The following CNNM1 variants were observed in gnomAD, a reference collection of about 807,000 sequenced individuals.
CNNM1 encodes metal transporter CNNM1.
Under a neutral mutation model 78.8 loss-of-function variants are expected in CNNM1, and 44 were observed. The ratio of observed to expected loss-of-function variants is 0.56; its 90% CI spans 0.44 to 0.72. CNNM1 has a LOEUF of 0.72. Among genes scored for constraint, CNNM1 ranks in the 30% least tolerant of loss-of-function variants. The probability of loss-of-function intolerance (pLI) is 0.00; values close to 1 mark genes in which losing one functional copy is unlikely to be tolerated. For synonymous variants in CNNM1, 584 were observed against 581.5 expected (o/e 1.00, Z -0.06); for missense variants, 1,101 against 1,292.2 (o/e 0.85, Z 2.27).
chr10:99,387,377 G>A (rs1311475213), intron 7 of CNNM1, among the ~76,000 whole-genome samples: 1 of 152,182 alleles, frequency 6.6e-6, no homozygotes, highest in African/African-American at 2.4e-5. Flanking sequence ...GTTCTCTCAG[G>A]CCTTAGCCTC....
chr10:99,390,499 A>C (rs3793931), intron 10 of CNNM1, 92 bp downstream of exon 10: 2 of 933,078 alleles, frequency 2.1e-6, no homozygotes, highest in African/African-American at 3.3e-5. Context: ...GGGAGGAGCC[A>C]TGGACTCCTC....
chr10:99,377,149 C>T lies in CNNM1; in HGVS notation c.2271C>T (p.Tyr757=). 6.2e-7 allele frequency: 1 copy of T among 1,613,144 alleles called. No homozygotes were observed. The highest frequency in any genetic ancestry group is 8.5e-7 in the Non-Finnish European group (1 of 1,179,610). The change falls in exon 7 of 11, where the codon TAC becomes TAT. Residue 757 remains tyrosine (Y), a synonymous_variant. Coordinates refer to ENST00000356713, the MANE Select transcript of CNNM1 (RefSeq NM_020348.3). ...TTGGGGGCAGCAACACCCAGCTGTACAGCAGCAGCAACAACCTCTACATGC... is the reference window on the plus strand; with the variant it reads ...TTGGGGGCAGCAACACCCAGCTGTATAGCAGCAGCAACAACCTCTACATGC... ...SDFGGSNTQL[Y]SSSNNLYMPD...
At chr10:99,372,076 G>T (rs1315466298) in intron 6 of CNNM1, among the ~76,000 whole-genome samples, 1 of 152,120 alleles carries the variant, frequency 6.6e-6, no homozygotes, top group African/African-American at 2.4e-5. Context: ...AGGCTCCCTG[G>T]ATACAGGTGT....
Position 99,368,700 on chromosome 10 carries a change from T to C in CNNM1, c.2176+3698T>C, listed in dbSNP as rs1323557310. Reference sequence around the variant, plus strand: ...CCCCAGGTAAACATGCATGGGTGTCTCGGGTCTCTGTAGATCCAGAGGGGT... The same window carrying C: ...CCCCAGGTAAACATGCATGGGTGTCCCGGGTCTCTGTAGATCCAGAGGGGT... On this transcript the variant is annotated intron_variant, in intron 6 of 10. Transcript: ENST00000356713. The C allele has an allele frequency of 3.1e-6, 4 of 1,288,962 alleles. No homozygotes were observed. In the Admixed American group the frequency reaches 9.2e-5, roughly 30 times the overall value. The allele number at this position is 1,288,962 out of a possible 1,614,324, so 79.8% of individuals were successfully genotyped here.
chr10:99,347,250 G>T lies in CNNM1; in HGVS notation c.1574-10262G>T, dbSNP rs147721084. Among the ~76,000 whole-genome samples, 1,161 of 152,104 alleles carry T rather than the reference G, an allele frequency of 7.6e-3. 25 individuals are homozygous for T. The highest frequency in any genetic ancestry group is 0.026 in the African/African-American group (1,097 of 41,498). On this transcript the variant is annotated intron_variant, in intron 1 of 10. Coordinates refer to ENST00000356713, the MANE Select transcript of CNNM1 (RefSeq NM_020348.3). ...TTAAAATATAAGTCAGCCAGGCACG[G>T]TGGCTCACACCTGTAATACCAGCAC...
intron 4 of CNNM1, among the ~76,000 whole-genome samples, chr10:99,362,705 A>C (rs186382874): frequency 1.3e-5 from 2 of 152,056 alleles, no homozygotes; most frequent in African/African-American, 4.8e-5. Context: ...GGAAGCTATA[A>C]TACCTCCTCA....
chr10:99,390,485 T>A, intron 10 of CNNM1, 78 bp downstream of exon 10: 1 of 1,077,466 alleles, frequency 9.3e-7, no homozygotes, highest in South Asian at 1.3e-5. Context: ...CATCTTCCTC[T>A]TGGGGGAGGA....
intron 1 of CNNM1, among the ~76,000 whole-genome samples, chr10:99,356,149 G>A (rs1052011997): frequency 6.6e-6 from 1 of 152,136 alleles, no homozygotes; most frequent in Admixed American, 6.6e-5. Context: ...GCCACAGCTG[G>A]GAGCTGCTTG....
intron 6 of CNNM1, among the ~76,000 whole-genome samples, chr10:99,365,288 A>G (rs766524573): frequency 2.0e-5 from 3 of 152,228 alleles, no homozygotes; most frequent in African/African-American, 7.2e-5. Flanking sequence ...CTTCCAGTGA[A>G]TGCAGGCAGG....
intron 7 of CNNM1, among the ~76,000 whole-genome samples, chr10:99,385,351 C>T (rs563957570): frequency 1.3e-5 from 2 of 152,282 alleles, no homozygotes; most frequent in East Asian, 3.9e-4. Context: ...GTCGGAATTG[C>T]CTTCCTTCCC....
chr10:99,390,444 C>A, intron 10 of CNNM1, 37 bp downstream of exon 10: 1 of 1,436,790 alleles, frequency 7.0e-7, no homozygotes, highest in Non-Finnish European at 9.7e-7. Context: ...GAGAGCCACC[C>A]TGCTGATGGT....
intron 2 of CNNM1, 103 bp from the exon 3 acceptor site, chr10:99,360,732 G>T: frequency 1.4e-6 from 2 of 1,424,362 alleles, no homozygotes; most frequent in South Asian, 2.9e-5. Context: ...ACCCATAGTT[G>T]ACACTGCAGA....
At chr10:99,348,540 ATG>A (rs2030804859) in intron 1 of CNNM1, among the ~76,000 whole-genome samples, 1 of 152,244 alleles carries the variant, frequency 6.6e-6, no homozygotes, top group Admixed American at 6.5e-5. Context: ...AATTGAAAGA[ATG>A]TGGGGATTTT....
intron 10 of CNNM1, 98 bp from the exon 11 acceptor site, chr10:99,391,339 C>A: frequency 1.1e-6 from 1 of 878,744 alleles, no homozygotes; most frequent in Admixed American, 2.2e-5. Context: ...GGCTTTGTCT[C>A]CATTTCTGCT....
intron 6 of CNNM1, among the ~76,000 whole-genome samples, chr10:99,372,570 C>T (rs935088776): frequency 6.6e-6 from 1 of 152,192 alleles, no homozygotes; most frequent in Non-Finnish European, 1.5e-5. Context: ...CCAAGCTGTG[C>T]CTCTGTGCTC....
chr10:99,379,679 A>T (rs1477688961), intron 7 of CNNM1, among the ~76,000 whole-genome samples: 2 of 137,870 alleles, frequency 1.5e-5, no homozygotes, highest in East Asian at 4.2e-4. Flanking sequence ...GATTCTCACT[A>T]TGTTTCCCAG....
intron 6 of CNNM1, 109 bp from the exon 7 acceptor site, chr10:99,376,946 A>G: frequency 1.9e-6 from 2 of 1,039,688 alleles, no homozygotes; most frequent in Non-Finnish European, 1.4e-6. Context: ...GTCTTATGGG[A>G]CCTCAGTAAA....
At chr10:99,364,396 C>A (rs1486838876) in intron 4 of CNNM1, 21 bp from the exon 5 acceptor site, 1 of 1,550,954 alleles carries the variant, frequency 6.4e-7, no homozygotes, top group Non-Finnish European at 8.8e-7. Flanking sequence ...TCATAGTACA[C>A]TTCCTTTTTT....
rs1457436247 is a variant in CNNM1 at position 99,387,928 on chromosome 10, A to G, written c.2449A>G (p.Thr817Ala). ...AGACGGGGACTCCACTAAGGCCCCC[A>G]CAACCCGGGGCACACCCCAGACCCC... ...FTDGDSTKAP[T>A]TRGTPQTPKD... Residue 817 changes from threonine (T) to alanine (A), a missense_variant, in exon 8 of 11, where the codon ACA becomes GCA. Physicochemically the swap from Thr to Ala is moderately conservative, Grantham distance 58. Transcript: ENST00000356713. 2.5e-6 allele frequency: 4 copies of G among 1,613,334 alleles called. No individual in the cohort carries two copies. Among genetic ancestry groups the G allele is most frequent in the Non-Finnish European group, 3.4e-6 (4 of 1,179,662 alleles).
Sources: gnomAD v4.1 joint callset for allele counts (sites outside exome capture counted in the v4.1 genomes callset) on GRCh38, gnomAD v4.1.1 for gene constraint, MANE v1.5 for transcripts, NCBI Gene and HGNC (gene_info 2026-07-23, HGNC 2026-07-21) for gene names.